ADTRP: variants seen among roughly 807,000 people sequenced by gnomAD.
The protein encoded by ADTRP is androgen-dependent TFPI-regulating protein.
Under a neutral mutation model 27.0 loss-of-function variants are expected in ADTRP, and 20 were observed. The ratio of observed to expected loss-of-function variants is 0.74; its 90% confidence interval spans 0.52 to 1.08. ADTRP has a LOEUF of 1.08. Ranked by LOEUF, ADTRP falls within the 50% of genes least tolerant of loss-of-function variation. The pLI, the probability that ADTRP is intolerant of heterozygous loss-of-function variation, is 0.00. For missense variants in ADTRP, 251 were observed against 275.0 expected (o/e 0.91, Z 0.62); for synonymous variants, 101 against 105.2 (o/e 0.96, Z 0.25).
intron 3 of ADTRP, among the ~76,000 whole-genome samples, chr6:11,758,523 G>C (rs888005071): frequency 7.7e-6 from 1 of 129,310 alleles, no homozygotes; most frequent in South Asian, 2.5e-4. Flanking sequence ...TGAACAATGA[G>C]AACACATGGA....
chr6:11,729,014 AAT>A (rs1281528513), intron 4 of ADTRP, among the ~76,000 whole-genome samples: 1 of 152,204 alleles, frequency 6.6e-6, no homozygotes, highest in Non-Finnish European at 1.5e-5. Context: ...GTGGGCACCA[AAT>A]GGCAGCCAAA....
intron 1 of ADTRP, among the ~76,000 whole-genome samples, chr6:11,775,120 G>C (rs1763910766): frequency 6.6e-6 from 1 of 152,132 alleles, no homozygotes; most frequent in South Asian, 2.1e-4. Flanking sequence ...AGCTCGGGGA[G>C]GGAGAAATAG....
chr6:11,731,320 A>C (rs1762372384), intron 4 of ADTRP, among the ~76,000 whole-genome samples: 1 of 152,210 alleles, frequency 6.6e-6, no homozygotes, highest in Non-Finnish European at 1.5e-5. Context: ...TTGTCACTCC[A>C]ACTTATTTGA....
At chr6:11,776,171 T>C (rs1227750015) in intron 1 of ADTRP, among the ~76,000 whole-genome samples, 4 of 152,192 alleles carry the variant, frequency 2.6e-5, no homozygotes, top group South Asian at 2.1e-4. Flanking sequence ...TTGGGAAGCA[T>C]TTCATTAGGT....
chr6:11,750,995 G>T (rs916195743), intron 3 of ADTRP, among the ~76,000 whole-genome samples: 1 of 152,178 alleles, frequency 6.6e-6, no homozygotes, highest in Non-Finnish European at 1.5e-5. Context: ...GAGACTACAG[G>T]CATGCATCAC....
chr6:11,728,144 T>C (rs1235430268), intron 4 of ADTRP, among the ~76,000 whole-genome samples: 1 of 152,190 alleles, frequency 6.6e-6, no homozygotes, highest in Non-Finnish European at 1.5e-5. Context: ...CATTTCACAA[T>C]CTTCCTTCAG....
chr6:11,749,824 T>C (rs563825229), intron 3 of ADTRP, among the ~76,000 whole-genome samples: 32 of 152,314 alleles, frequency 2.1e-4, no homozygotes, highest in Admixed American at 1.9e-3. Flanking sequence ...TATGTTCCAT[T>C]CCAAGAAGCA....
chr6:11,756,834 C>T (rs762714991), intron 3 of ADTRP, among the ~76,000 whole-genome samples: 1 of 152,184 alleles, frequency 6.6e-6, no homozygotes, highest in Admixed American at 6.5e-5. Context: ...GTTGAATAAA[C>T]TACTCAAACC....
At chr6:11,724,098 C>T (rs1402139914) in intron 4 of ADTRP, among the ~76,000 whole-genome samples, 3 of 148,086 alleles carry the variant, frequency 2.0e-5, no homozygotes, top group Non-Finnish European at 4.5e-5. Context: ...AACATAGAAC[C>T]ATCGTTAGCT....
chr6:11,734,643 T>C (rs1430414489), intron 4 of ADTRP, among the ~76,000 whole-genome samples: 1 of 152,158 alleles, frequency 6.6e-6, no homozygotes, highest in Non-Finnish European at 1.5e-5. Context: ...TTATTTGCTC[T>C]AAGACAGAGG....
At chr6:11,718,600 C>T (rs1761910442) in intron 5 of ADTRP, among the ~76,000 whole-genome samples, 1 of 152,198 alleles carries the variant, frequency 6.6e-6, no homozygotes, top group Non-Finnish European at 1.5e-5. Context: ...CTCTCAATGT[C>T]TTGCCAGAGA....
rs1179240001 is a variant in ADTRP, at chr6:11,735,717, G to C, written c.391-34C>G. 3 of 1,422,446 alleles carry C rather than the reference G, an allele frequency of 2.1e-6. 1 individual carries two copies. The highest frequency in any genetic ancestry group is 2.3e-5 in the South Asian group (2 of 86,026). The allele number at this position is 1,422,446 out of a possible 1,614,324, so 88.1% of individuals were successfully genotyped here. ...GAGAAAATGGCAAATCAGAATGGCA[G>C]GGTGTCCAGGGTGCCTACAGTGCCC... On this transcript the variant is annotated intron_variant, in intron 3 of 5. Coordinates refer to ENST00000414691, the MANE Select transcript of ADTRP (RefSeq NM_032744.4).
At chr6:11,772,865 CAGG>C (rs1271159908) in intron 1 of ADTRP, among the ~76,000 whole-genome samples, 1 of 152,072 alleles carries the variant, frequency 6.6e-6, no homozygotes, top group Non-Finnish European at 1.5e-5. Context: ...ATAAAGAACA[CAGG>C]AGGAGAAAGA....
rs1415725370 is a variant in ADTRP at position 11,778,792 on chromosome 6, T to A, written c.-33A>T. Reference sequence around the variant, plus strand: ...GCTGACCGGGGCACCGTGAATGTCTTGAGTACTTTCTGGCGTCCTTCTGTG... The same window carrying A: ...GCTGACCGGGGCACCGTGAATGTCTAGAGTACTTTCTGGCGTCCTTCTGTG... On this transcript the variant is annotated 5_prime_UTR_variant, in exon 1 of 6. Transcript: ENST00000414691. 2 of 1,587,494 alleles carry A rather than the reference T, an allele frequency of 1.3e-6. No homozygotes were observed. The highest frequency in any genetic ancestry group is 1.7e-6 in the Non-Finnish European group (2 of 1,158,264).
chr6:11,717,042 A>G (rs1761856299), intron 5 of ADTRP: 1 of 289,102 alleles, frequency 3.5e-6, no homozygotes, highest in Non-Finnish European at 6.5e-6. Flanking sequence ...CCATGTTTCT[A>G]TAACGCATAG....
chr6:11,736,952 C>T (rs1373445199), intron 3 of ADTRP, among the ~76,000 whole-genome samples: 2 of 152,092 alleles, frequency 1.3e-5, no homozygotes, highest in African/African-American at 4.8e-5. Flanking sequence ...TGCATCACCC[C>T]CTCCTTATAA....
chr6:11,770,746 A>G (rs903613313), intron 1 of ADTRP, among the ~76,000 whole-genome samples: 1 of 152,084 alleles, frequency 6.6e-6, no homozygotes, highest in Non-Finnish European at 1.5e-5. Context: ...ATGTGTAGTC[A>G]TTTGCACAGG....
chr6:11,723,950 C>T (rs1305263775), intron 4 of ADTRP, among the ~76,000 whole-genome samples: 3 of 152,098 alleles, frequency 2.0e-5, no homozygotes, highest in Admixed American at 6.6e-5. Context: ...ATCCCAGCTA[C>T]TAGGGAGGCG....
At chr6:11,765,344 TGAGGCAGAGTTTCACTC>T (rs1763534220) in intron 3 of ADTRP, among the ~76,000 whole-genome samples, 1 of 137,478 alleles carries the variant, frequency 7.3e-6, no homozygotes, top group Non-Finnish European at 1.6e-5. Context: ...TTTTTTTTTT[TGAGGCAGAGTTTCACTC>T]TTGTTGCCCA....
Sources: gnomAD v4.1 joint callset for allele counts (sites outside exome capture counted in the v4.1 genomes callset) on GRCh38, gnomAD v4.1.1 for gene constraint, MANE v1.5 for transcripts, NCBI Gene and HGNC (gene_info 2026-07-23, HGNC 2026-07-21) for gene names.